GALNT18: variants seen among roughly 807,000 people sequenced by gnomAD.
The protein encoded by GALNT18 is polypeptide N-acetylgalactosaminyltransferase 18.
A neutral mutation model predicts 69.5 loss-of-function variants in GALNT18; 44 were observed. The ratio of observed to expected loss-of-function variants is 0.63; its 90% CI spans 0.50 to 0.81. GALNT18 has a LOEUF of 0.81. Among genes scored for constraint, GALNT18 ranks in the 40% least tolerant of loss-of-function variants. GALNT18 has a pLI of 0.00. For synonymous variants in GALNT18, 364 were observed against 318.2 expected (o/e 1.14, Z -1.53); for missense variants, 715 against 810.0 (o/e 0.88, Z 1.42).
chr11:11,422,532 T>C (rs555530214), intron 3 of GALNT18, among the ~76,000 whole-genome samples: 1 of 152,324 alleles, frequency 6.6e-6, no homozygotes, highest in East Asian at 1.9e-4. Context: ...GCCTGAGTCT[T>C]GGTTGTAATT....
At chr11:11,550,386 T>C (rs976901808) in intron 1 of GALNT18, among the ~76,000 whole-genome samples, 2 of 152,178 alleles carry the variant, frequency 1.3e-5, no homozygotes, top group Non-Finnish European at 2.9e-5. Flanking sequence ...ACTGGACACA[T>C]TGATTGTTTA....
chr11:11,548,638 T>C (rs1049366451), intron 1 of GALNT18, among the ~76,000 whole-genome samples: 4 of 152,212 alleles, frequency 2.6e-5, no homozygotes, highest in African/African-American at 4.8e-5. Flanking sequence ...CCATCAATAA[T>C]GACTTTGCCC....
intron 1 of GALNT18, among the ~76,000 whole-genome samples, chr11:11,574,623 T>C (rs1395048041): frequency 6.6e-6 from 1 of 152,196 alleles, no homozygotes; most frequent in Non-Finnish European, 1.5e-5. Flanking sequence ...GCCTGTCTCC[T>C]ATCATGAAAG....
rs1271799803 is a variant in GALNT18, at chr11:11,463,205, GA to G, written c.236-14270del. 9.9e-6 allele frequency among the ~76,000 whole-genome samples: 1 copy of G among 100,600 alleles called. No individual in the cohort carries two copies. The highest frequency in any genetic ancestry group is 2.1e-5 in the Non-Finnish European group (1 of 47,832). 66.0% of individuals were successfully genotyped at this position (100,600 alleles called of 152,430 possible). A position where few individuals can be genotyped will look rare whatever the true frequency, so the allele number is the denominator to read the frequency against. ...ATGGACATACACACTCAGACAGACAGACAGACACACACACACACACAGAGAG... is the reference window on the plus strand; with the variant it reads ...ATGGACATACACACTCAGACAGACAGCAGACACACACACACACACAGAGAG... On this transcript the variant is annotated intron_variant, in intron 1 of 10. Transcript: ENST00000227756. The surrounding 1 kb of genome is among the most constrained non-coding windows in gnomAD (Gnocchi z 4.2).
chr11:11,597,286 A>G (rs1398899297), intron 1 of GALNT18, among the ~76,000 whole-genome samples: 1 of 152,210 alleles, frequency 6.6e-6, no homozygotes, highest in African/African-American at 2.4e-5. Flanking sequence ...TTTTGATATC[A>G]GGGTTACACT....
At chr11:11,559,274 C>A (rs1049669793) in intron 1 of GALNT18, among the ~76,000 whole-genome samples, 6 of 152,344 alleles carry the variant, frequency 3.9e-5, no homozygotes, top group African/African-American at 1.4e-4. Context: ...CTGTCACATT[C>A]TCCTCTAGCC....
chr11:11,545,087 A>G (rs1486869827), intron 1 of GALNT18, among the ~76,000 whole-genome samples: 1 of 152,254 alleles, frequency 6.6e-6, no homozygotes, highest in Non-Finnish European at 1.5e-5. Flanking sequence ...ATGAGGTAGA[A>G]AGCATGACTG....
intron 3 of GALNT18, among the ~76,000 whole-genome samples, chr11:11,381,923 A>G (rs1028074780): frequency 3.3e-5 from 5 of 152,246 alleles, no homozygotes; most frequent in Admixed American, 6.5e-5. Flanking sequence ...CAATGGCTGT[A>G]ATAAACATTT....
intron 1 of GALNT18, among the ~76,000 whole-genome samples, chr11:11,578,000 C>T (rs913617675): frequency 1.3e-5 from 2 of 151,434 alleles, no homozygotes; most frequent in African/African-American, 2.4e-5. Context: ...TCCCCAGGAC[C>T]CTTCCCTAAA....
intron 1 of GALNT18, among the ~76,000 whole-genome samples, chr11:11,462,279 T>C (rs1209970636): frequency 3.0e-5 from 4 of 134,232 alleles, no homozygotes; most frequent in East Asian, 2.0e-4. Context: ...CTTTTCTTTT[T>C]TTTTTTTTTT....
In GALNT18 at chr11:11,583,933, G is replaced by A. The variant is rs1590118175; in HGVS notation, c.235+37426C>T. 6.6e-6 allele frequency among the ~76,000 whole-genome samples: 1 copy of A among 152,026 alleles called. No homozygotes were observed. The highest frequency in any genetic ancestry group is 2.4e-5 in the African/African-American group (1 of 41,384). On this transcript the variant is annotated intron_variant, in intron 1 of 10. Transcript: ENST00000227756. The surrounding 1 kb of genome is among the most constrained non-coding windows in gnomAD (Gnocchi z 4.7). ...GAATTATGGTCTTAGACAAGTCAAC[G>A]GCTCCCCACAAGATGAAAGCACAAG... is the stretch of plus-strand genomic sequence containing the variant.
At chr11:11,450,275 T>A (rs1855763205) in intron 1 of GALNT18, among the ~76,000 whole-genome samples, 1 of 152,148 alleles carries the variant, frequency 6.6e-6, no homozygotes, top group Admixed American at 6.6e-5. Context: ...CACACCTAGG[T>A]ACAGGCTGGA....
intron 4 of GALNT18, among the ~76,000 whole-genome samples, 174 bp downstream of exon 4, chr11:11,378,907 A>T (rs1853840082): frequency 6.6e-6 from 1 of 151,986 alleles, no homozygotes; most frequent in Non-Finnish European, 1.5e-5. Context: ...CACACCTCGA[A>T]CCCTAAAGGT....
intron 6 of GALNT18, among the ~76,000 whole-genome samples, chr11:11,344,232 A>AT (rs35072956): frequency 0.32 from 44,300 of 140,066 alleles, 7,361 homozygotes; most frequent in East Asian, 0.69. Flanking sequence ...TAGCCACGCT[A>AT]TTTTTTTTAC....
At chr11:11,610,587 T>C (rs1859871744) in intron 1 of GALNT18, among the ~76,000 whole-genome samples, 1 of 152,224 alleles carries the variant, frequency 6.6e-6, no homozygotes, top group South Asian at 2.1e-4. Flanking sequence ...CTATGCACTT[T>C]CCATTGGATT....
In GALNT18 at chr11:11,327,176, C is replaced by T. The variant is rs778706000; in HGVS notation, c.1422G>A (p.Gln474=). ...YSDIIAYGVL[Q]NSLKTDLCLD... Reference sequence around the variant, plus strand: ...GACACAAATCAGTCTTCAGAGAATTCTGCAGCTGAACATCAGAGAACAGAT... The same window carrying T: ...GACACAAATCAGTCTTCAGAGAATTTTGCAGCTGAACATCAGAGAACAGAT... Residue 474 remains glutamine (Q), a synonymous_variant, in exon 9 of 11, where the codon CAG becomes CAA. Transcript: ENST00000227756. The T allele has an allele frequency of 2.5e-6, 4 of 1,612,788 alleles. No homozygotes were observed. Among genetic ancestry groups the T allele is most frequent in the South Asian group, 2.2e-5 (2 of 91,048 alleles).
chr11:11,379,025 G>T, intron 4 of GALNT18, 56 bp downstream of exon 4: 1 of 1,453,746 alleles, frequency 6.9e-7, no homozygotes, highest in South Asian at 1.4e-5. Context: ...TGCACTATTG[G>T]AGCTGAAGCC....
chr11:11,293,044 G>A lies in GALNT18; in HGVS notation c.1662C>T (p.His554=). 4 of 1,385,556 alleles carry A rather than the reference G, an allele frequency of 2.9e-6. No individual in the cohort carries two copies. Among genetic ancestry groups the A allele is most frequent in the Non-Finnish European group, 3.8e-6 (4 of 1,060,832 alleles). 85.8% of individuals were successfully genotyped at this position (1,385,556 alleles called of 1,614,324 possible). ...SYAKAKRMKL[H]WQFSQGGPIQ... ...GGGCTGTTACCTGAGAGAACTGCCA[G>A]TGAAGCTTCATCCTCTTGGCTTTGG... The change falls in exon 10 of 11, where the codon CAC becomes CAT. Residue 554 remains histidine (H), a synonymous_variant. Coordinates refer to ENST00000227756, the MANE Select transcript of GALNT18 (RefSeq NM_198516.3).
intron 3 of GALNT18, 93 bp from the exon 4 acceptor site, chr11:11,379,357 GAGAAAGGCTGGGGGA>G: frequency 2.4e-6 from 3 of 1,276,582 alleles, no homozygotes; most frequent in Non-Finnish European, 3.3e-6. Context: ...ATGACCCCCA[GAGAAAGGCTGGGGGA>G]CCCATTCCCC....
Sources: allele counts gnomAD v4.1 joint callset (sites outside exome capture counted in the v4.1 genomes callset), GRCh38; gene constraint gnomAD v4.1.1; non-coding constraint Gnocchi (gnomAD v3.1); transcripts MANE v1.5; gene names NCBI Gene and HGNC (gene_info 2026-07-23, HGNC 2026-07-21).